The following ETNK2 variants were observed in gnomAD, a reference collection of about 807,000 sequenced individuals.
ETNK2 encodes the protein ethanolamine kinase 2.
Under a neutral mutation model 46.2 loss-of-function variants are expected in ETNK2, and 33 were observed. The observed-to-expected ratio is 0.71, with a 90% CI of 0.54 to 0.96. ETNK2 has a LOEUF of 0.96. Among genes scored for constraint, ETNK2 ranks in the 40% least tolerant of loss-of-function variants. The pLI is 0.00. For missense variants in ETNK2, 445 were observed against 509.7 expected (o/e 0.87, Z 1.22); for synonymous variants, 194 against 209.0 (o/e 0.93, Z 0.62).
chr1:204,150,086 C>G (rs1216695678), intron 1 of ETNK2, 124 bp from the exon 2 acceptor site: 2 of 1,072,860 alleles, frequency 1.9e-6, no homozygotes, highest in African/African-American at 3.1e-5. Context: ...CCACCCCAAG[C>G]CCCCAGTGCT....
chr1:204,141,625 C>T (rs752049657), intron 3 of ETNK2, 168 bp from the exon 4 acceptor site: 1 of 680,742 alleles, frequency 1.5e-6, no homozygotes, highest in Admixed American at 2.9e-5. Flanking sequence ...TAAAATGGCA[C>T]TGAGGCGTCC....
Position 204,146,758 on chromosome 1 carries a change from G to A in ETNK2, c.525C>T (p.Ile175=), listed in dbSNP as rs768537260. ...HIREPRLFRL[I]ALEMAKIHTI... ...TATGAATCTTTGCCATTTCTAAGGC[G>A]ATTAACCTACAGCAGGGAACAGGAA... is the stretch of plus-strand genomic sequence containing the variant. Residue 175 remains isoleucine, a synonymous_variant, in exon 3 of 8, where the codon ATC becomes ATT. Coordinates refer to ENST00000367202, the MANE Select transcript of ETNK2 (RefSeq NM_018208.4). The A allele has an allele frequency of 3.1e-6, 5 of 1,613,998 alleles. No homozygotes were observed. The highest frequency in any genetic ancestry group is 1.1e-5 in the South Asian group (1 of 91,078).
rs1657089387 is a variant in ETNK2, at chr1:204,131,968, C to T, written c.*216G>A. 1.8e-6 allele frequency: 1 copy of T among 570,088 alleles called. No homozygotes were observed. Among genetic ancestry groups the T allele is most frequent in the South Asian group, 2.1e-5 (1 of 46,608 alleles). The allele number at this position is 570,088 out of a possible 1,614,324, so 35.3% of individuals were successfully genotyped here. On this transcript the variant is annotated 3_prime_UTR_variant, in exon 8 of 8. Coordinates refer to ENST00000367202, the MANE Select transcript of ETNK2 (RefSeq NM_018208.4). This position sits in a 1 kb window ranked among gnomAD's most constrained non-coding sequence, Gnocchi z 4.3. ...CCCAAGCCTGGTGGGGTGAAGGGGA[C>T]CCCCGGAAGGGGGTCCTATCAGCCC...
At chr1:204,144,279 G>C (rs1277536134) in intron 3 of ETNK2, among the ~76,000 whole-genome samples, 1 of 138,930 alleles carries the variant, frequency 7.2e-6, no homozygotes, top group Non-Finnish European at 1.5e-5. Flanking sequence ...CTGGGAAGCA[G>C]AGGTTGCGGT....
chr1:204,147,686 C>G (rs1657844731), intron 2 of ETNK2: 1 of 433,912 alleles, frequency 2.3e-6, no homozygotes, highest in Non-Finnish European at 4.7e-6. Context: ...ACCTTGTTAC[C>G]AAGCTGTTCA....
rs1465889623 is a variant in ETNK2 at position 204,151,897 on chromosome 1, C to G, written c.-45G>C. ...TCGGAGCCGCGGCAGACGCTAGCCCCGGCGGGGGGGTCCGGCGAGGGAGTG... is the reference window on the plus strand; with the variant it reads ...TCGGAGCCGCGGCAGACGCTAGCCCGGGCGGGGGGGTCCGGCGAGGGAGTG... On this transcript the variant is annotated 5_prime_UTR_variant, in exon 1 of 8. Transcript: ENST00000367202. The surrounding 1 kb of genome is among the most constrained non-coding windows in gnomAD (Gnocchi z 8.0). The G allele has an allele frequency of 2.1e-6, 3 of 1,403,906 alleles. No individual in the cohort carries two copies. Among genetic ancestry groups the G allele is most frequent in the South Asian group, 1.6e-5 (1 of 64,242 alleles). The allele number at this position is 1,403,906 out of a possible 1,614,324, so 87.0% of individuals were successfully genotyped here.
intron 2 of ETNK2, 46 bp from the exon 3 acceptor site, chr1:204,146,810 G>C: frequency 1.2e-6 from 2 of 1,611,320 alleles, no homozygotes; most frequent in Non-Finnish European, 1.7e-6. Flanking sequence ...CTGGGACATT[G>C]CCTTCCCCAC....
chr1:204,148,543 G>A (rs1264048875), intron 2 of ETNK2, among the ~76,000 whole-genome samples: 4 of 148,142 alleles, frequency 2.7e-5, no homozygotes, highest in African/African-American at 1.0e-4. Flanking sequence ...TCCCTGCATA[G>A]GTCTGTATGC....
At chr1:204,144,369 AGC>A (rs1657697013) in intron 3 of ETNK2, among the ~76,000 whole-genome samples, 1 of 139,114 alleles carries the variant, frequency 7.2e-6, no homozygotes, top group African/African-American at 2.7e-5. Flanking sequence ...AAAAAAAAAA[AGC>A]CATTTCCTAG....
At chr1:204,139,178 T>A (rs1223765009) in intron 5 of ETNK2, among the ~76,000 whole-genome samples, 2 of 152,152 alleles carry the variant, frequency 1.3e-5, no homozygotes, top group Non-Finnish European at 2.9e-5. Context: ...TAGCACATAT[T>A]TAGATCCTAC....
chr1:204,137,295 C>T, intron 5 of ETNK2, 46 bp from the exon 6 acceptor site: 1 of 1,598,836 alleles, frequency 6.3e-7, no homozygotes, highest in Non-Finnish European at 8.5e-7. Flanking sequence ...GATGGGCCCA[C>T]CAAGGGTCTC....
chr1:204,132,039 G>A lies in ETNK2; in HGVS notation c.*145C>T, dbSNP rs1558227351. 4.3e-6 allele frequency: 3 copies of A among 701,658 alleles called. No homozygotes were observed. The highest frequency in any genetic ancestry group is 2.7e-5 in the East Asian group (1 of 36,746). The allele number at this position is 701,658 out of a possible 1,614,324, so 43.5% of individuals were successfully genotyped here. ...TCTTCAGTGGCAACCACTGGGGTCT[G>A]GCGGCAGGGACAGAGCCTTCTCCCT... On this transcript the variant is annotated 3_prime_UTR_variant, in exon 8 of 8. Transcript: ENST00000367202.
At chr1:204,149,991 TG>T in intron 1 of ETNK2, 29 bp from the exon 2 acceptor site, 3 of 36,986 alleles carry the variant, frequency 8.1e-5, no homozygotes, top group Non-Finnish European at 1.1e-4. Flanking sequence ...AGTGCGTGGG[TG>T]GGTGGGTGGG....
chr1:204,134,722 A>C lies in ETNK2; in HGVS notation c.1015-134T>G, dbSNP rs774279211. Reference sequence around the variant, plus strand: ...GGAAGAGATGTGGTGGGGTCTCCCTAGCACAAGCTGGGGAAATTCTGGAGG... The same window carrying C: ...GGAAGAGATGTGGTGGGGTCTCCCTCGCACAAGCTGGGGAAATTCTGGAGG... On this transcript the variant is annotated intron_variant, in intron 6 of 7. Transcript: ENST00000367202. 5.1e-5 allele frequency: 80 copies of C among 1,577,918 alleles called. 1 individual carries two copies. The Admixed American group carries it at 1.5e-3, about 30-fold the overall frequency.
At chr1:204,138,394 T>C in intron 5 of ETNK2, among the ~76,000 whole-genome samples, 1 of 152,230 alleles carries the variant, frequency 6.6e-6, no homozygotes, top group East Asian at 1.9e-4. Context: ...TGGATTTTGC[T>C]CTGTGCTGTG....
chr1:204,143,913 C>T (rs1657666073), intron 3 of ETNK2, among the ~76,000 whole-genome samples: 1 of 152,164 alleles, frequency 6.6e-6, no homozygotes, highest in South Asian at 2.1e-4. Flanking sequence ...CAGCTTAGGG[C>T]ATGGATCCAA....
At position 204,149,759 on chromosome 1, in the gene ETNK2, C is replaced by T. The variant is rs758518203; in HGVS notation, c.462G>A (p.Glu154=). The T allele has an allele frequency of 1.9e-6, 3 of 1,605,450 alleles. No homozygotes were observed. The highest frequency in any genetic ancestry group is 2.2e-5 in the East Asian group (1 of 44,568). Residue 154 remains glutamate (E), a synonymous_variant, in exon 2 of 8, where the codon GAG becomes GAA. Transcript: ENST00000367202. The part of the protein sequence containing the change: ...YCTFQNGLCY[E]YMQGVALEPE... ...GCTCCAGGGCCACACCCTGCATGTA[C>T]TCATAGCACAGCCCATTCTGGAAGG... is the stretch of plus-strand genomic sequence containing the variant.
intron 2 of ETNK2, among the ~76,000 whole-genome samples, chr1:204,149,049 C>T (rs1435514983): frequency 2.0e-5 from 3 of 152,154 alleles, no homozygotes; most frequent in Non-Finnish European, 2.9e-5. Context: ...TTGGTCCTCC[C>T]CCTTTCCAGG....
At chr1:204,138,354 T>A (rs1303613866) in intron 5 of ETNK2, among the ~76,000 whole-genome samples, 1 of 152,194 alleles carries the variant, frequency 6.6e-6, no homozygotes, top group Non-Finnish European at 1.5e-5. Flanking sequence ...GAGAGCAGGC[T>A]GCAATCTACC....
Sources: allele counts gnomAD v4.1 joint callset (sites outside exome capture counted in the v4.1 genomes callset), GRCh38; gene constraint gnomAD v4.1.1; non-coding constraint Gnocchi (gnomAD v3.1); transcripts MANE v1.5; gene names NCBI Gene and HGNC (gene_info 2026-07-23, HGNC 2026-07-21).